GPHN: variants seen among roughly 807,000 people sequenced by gnomAD.
GPHN encodes gephyrin.
A neutral mutation model predicts 95.5 loss-of-function variants in GPHN; 17 were observed. That is an observed-to-expected ratio of 0.18 (90% CI 0.12 to 0.27). The LOEUF (loss-of-function observed/expected upper bound fraction) is 0.27. GPHN is among the 10% of genes least tolerant of loss of function. The pLI, the probability that GPHN is intolerant of heterozygous loss-of-function variation, is 1.00. For missense variants in GPHN, 660 were observed against 978.1 expected (o/e 0.67, Z 4.34); for synonymous variants, 320 against 322.5 (o/e 0.99, Z 0.08).
intron 18 of GPHN, among the ~76,000 whole-genome samples, chr14:67,147,333 T>C (rs555585491): frequency 5.2e-4 from 79 of 152,316 alleles, no homozygotes; most frequent in African/African-American, 1.7e-3. Flanking sequence ...AACTATTGAC[T>C]ATAGCTTGTA....
the GPHN span, chr14:67,728,163 A>G: frequency 2.0e-5 from 3 of 152,218 alleles, no homozygotes; most frequent in Admixed American, 6.5e-5. Context: ...CTAGGGGTCC[A>G]TTTGTTACAG....
chr14:67,007,070 T>A (rs2072658902), intron 9 of GPHN, among the ~76,000 whole-genome samples: 1 of 152,222 alleles, frequency 6.6e-6, no homozygotes, highest in Non-Finnish European at 1.5e-5. Context: ...TGGTTTCATG[T>A]TTAAACAATC....
chr14:66,780,119 A>C (rs1408358194), intron 3 of GPHN, among the ~76,000 whole-genome samples: 1 of 152,214 alleles, frequency 6.6e-6, no homozygotes, highest in Non-Finnish European at 1.5e-5. Context: ...GGCTTGGGAA[A>C]TTGAGTAGAT....
chr14:67,720,289 T>C, the GPHN span, among the ~76,000 whole-genome samples: 1 of 150,390 alleles, frequency 6.6e-6, no homozygotes, highest in Non-Finnish European at 1.5e-5. Flanking sequence ...TCAATTAGTC[T>C]CTTGTCTTCA....
the GPHN span, chr14:67,301,834 C>CTAAGTACTTAGT: frequency 1.0e-6 from 1 of 998,636 alleles, no homozygotes. Flanking sequence ...ATACTTAACA[C>CTAAGTACTTAGT]ATCTTTATTA....
At chr14:66,834,385 T>C (rs961224188) in intron 4 of GPHN, among the ~76,000 whole-genome samples, 6 of 152,332 alleles carry the variant, frequency 3.9e-5, no homozygotes, top group East Asian at 1.9e-4. Context: ...ATTAGAGCAA[T>C]AACTGACTTT....
intron 2 of GPHN, among the ~76,000 whole-genome samples, chr14:66,697,927 A>T (rs1003006804): frequency 2.6e-5 from 4 of 152,152 alleles, no homozygotes; most frequent in Admixed American, 2.6e-4. Context: ...ACTCCTGGGC[A>T]TAAGAGATCC....
At chr14:66,837,238 T>G (rs2061868048) in intron 4 of GPHN, among the ~76,000 whole-genome samples, 1 of 151,776 alleles carries the variant, frequency 6.6e-6, no homozygotes, top group African/African-American at 2.4e-5. Context: ...ATGTGGCATA[T>G]GTACACCATG....
At chr14:66,926,285 T>C (rs1218292292) in intron 8 of GPHN, among the ~76,000 whole-genome samples, 4 of 152,168 alleles carry the variant, frequency 2.6e-5, no homozygotes, top group Admixed American at 2.6e-4. Flanking sequence ...GTTGCCTGTG[T>C]TTGTGGAGTA....
the GPHN span, among the ~76,000 whole-genome samples, chr14:67,265,675 G>A: frequency 6.6e-6 from 1 of 152,188 alleles, no homozygotes; most frequent in Admixed American, 6.5e-5. Flanking sequence ...TAGCCAACAT[G>A]GTAAAACCCT....
At chr14:67,538,250 T>C in the GPHN span, among the ~76,000 whole-genome samples, 1 of 152,230 alleles carries the variant, frequency 6.6e-6, no homozygotes, top group Non-Finnish European at 1.5e-5. Context: ...TACTGAAGCA[T>C]CATCATGGGA....
intron 5 of GPHN, among the ~76,000 whole-genome samples, chr14:66,880,849 T>G (rs757287807): frequency 5.9e-5 from 9 of 152,006 alleles, no homozygotes; most frequent in African/African-American, 1.2e-4. Flanking sequence ...TTAGATCCCC[T>G]AAATGAGGAC....
chr14:66,578,287 G>T (rs1054771408), intron 1 of GPHN, among the ~76,000 whole-genome samples: 4 of 151,566 alleles, frequency 2.6e-5, no homozygotes, highest in Non-Finnish European at 3.0e-5. Flanking sequence ...AATGAAAAAA[G>T]AATTTAAGAG....
intron 14 of GPHN, among the ~76,000 whole-genome samples, chr14:67,111,606 TAATATTTG>T (rs1377099718): frequency 2.6e-5 from 4 of 152,146 alleles, no homozygotes; most frequent in African/African-American, 9.7e-5. Flanking sequence ...AAACAAGATT[TAATATTTG>T]AATTGGTACA....
chr14:67,339,236 A>C, the GPHN span, among the ~76,000 whole-genome samples: 2 of 152,054 alleles, frequency 1.3e-5, no homozygotes, highest in Non-Finnish European at 2.9e-5. Flanking sequence ...TGACCTTGTG[A>C]TCCACCCGCC....
the GPHN span, among the ~76,000 whole-genome samples, chr14:67,421,802 T>G: frequency 2.0e-5 from 3 of 152,330 alleles, no homozygotes; most frequent in Admixed American, 6.5e-5. Context: ...GTTCTCGGTC[T>G]GCTTTCCCTA....
intron 2 of GPHN, among the ~76,000 whole-genome samples, chr14:66,718,445 G>A (rs1401460383): frequency 2.6e-5 from 4 of 152,206 alleles, no homozygotes; most frequent in East Asian, 1.9e-4. Flanking sequence ...AAGGTAGTGC[G>A]GACCCAAACA....
At chr14:67,213,378 T>C in the GPHN span, among the ~76,000 whole-genome samples, 2 of 133,416 alleles carry the variant, frequency 1.5e-5, no homozygotes, top group African/African-American at 2.8e-5. Context: ...TGTGTTCTCA[T>C]TGTTCAATTC....
intron 1 of GPHN, among the ~76,000 whole-genome samples, chr14:66,518,645 T>G (rs2058353247): frequency 6.6e-6 from 1 of 152,144 alleles, no homozygotes; most frequent in Non-Finnish European, 1.5e-5. Context: ...AATGGAATAC[T>G]GTTCAGCCAT....
Sources: gnomAD v4.1 joint callset for allele counts (sites outside exome capture counted in the v4.1 genomes callset) on GRCh38, gnomAD v4.1.1 for gene constraint, MANE v1.5 for transcripts, NCBI Gene and HGNC (gene_info 2026-07-23, HGNC 2026-07-21) for gene names.